Variants in CSMD2 observed in about 807,000 individuals in gnomAD.
The protein encoded by CSMD2 is CUB and sushi domain-containing protein 2.
In CSMD2, 130 loss-of-function variants were observed where a neutral mutation model predicts 398.5. The ratio of observed to expected loss-of-function variants is 0.33; its 90% CI spans 0.28 to 0.38. The LOEUF is 0.38. Among genes scored for constraint, CSMD2 ranks in the 10% least tolerant of loss-of-function variants. The pLI is 1.00. For missense variants in CSMD2, 3,829 were observed against 4,764.9 expected (o/e 0.80, Z 5.78); for synonymous variants, 1,828 against 1,908.5 (o/e 0.96, Z 1.10).
intron 21 of CSMD2, among the ~76,000 whole-genome samples, chr1:33,713,113 T>A (rs1290483555): frequency 6.6e-6 from 1 of 152,232 alleles, no homozygotes; most frequent in African/African-American, 2.4e-5. Flanking sequence ...GATGCTGTTA[T>A]CTCTGTTTTA....
chr1:34,032,804 T>A (rs1023704901), intron 2 of CSMD2, 98 bp from the exon 3 acceptor site: 1 of 785,552 alleles, frequency 1.3e-6, no homozygotes, highest in African/African-American at 1.8e-5. Flanking sequence ...ACAGTGCTGA[T>A]CTAGGCACAC....
intron 1 of CSMD2, among the ~76,000 whole-genome samples, chr1:34,095,779 AC>A (rs1299876640): frequency 6.6e-6 from 1 of 150,826 alleles, no homozygotes; most frequent in Non-Finnish European, 1.5e-5. Context: ...TAGCTTACCA[AC>A]CAAAAAGAGT....
rs1371826716 is a variant in CSMD2 at position 33,537,438 on chromosome 1, A to G, written c.9803T>C (p.Ile3268Thr). The G allele has an allele frequency of 1.9e-6, 3 of 1,611,602 alleles. No individual in the cohort carries two copies. Among genetic ancestry groups the G allele is most frequent in the South Asian group, 1.1e-5 (1 of 90,692 alleles). The stretch of plus-strand genomic sequence containing the variant: ...CCCTGCTCCAGATGACCTCTCACCT[A>G]TGCAGCTGGGCTGGGTGCCACTCCA... Reference protein sequence around the residue: ...GTWSGTQPSCIDPTLTTCADP... With the variant: ...GTWSGTQPSCTDPTLTTCADP... Residue 3268 changes from isoleucine to threonine, a missense_variant and splice_region_variant, in exon 61 of 71, where the codon ATA becomes ACA. By Grantham distance (89) the Ile-to-Thr change is moderately conservative. Coordinates refer to ENST00000373381, the MANE Select transcript of CSMD2 (RefSeq NM_001281956.2). This position sits in a 1 kb window ranked among gnomAD's most constrained non-coding sequence, Gnocchi z 4.6.
At chr1:34,141,050 C>T (rs1418624141) in intron 1 of CSMD2, among the ~76,000 whole-genome samples, 1 of 152,088 alleles carries the variant, frequency 6.6e-6, no homozygotes, top group Non-Finnish European at 1.5e-5. Flanking sequence ...TTTGGAGGCT[C>T]TTCCTGGGAT....
intron 25 of CSMD2, among the ~76,000 whole-genome samples, chr1:33,672,096 G>A (rs1234096082): frequency 6.6e-6 from 1 of 152,114 alleles, no homozygotes; most frequent in African/African-American, 2.4e-5. Flanking sequence ...TCCAACTGAG[G>A]TACCGGGTTC....
chr1:34,094,546 A>G (rs1315364663), intron 1 of CSMD2, among the ~76,000 whole-genome samples: 1 of 152,084 alleles, frequency 6.6e-6, no homozygotes, highest in Non-Finnish European at 1.5e-5. Flanking sequence ...TAGGCTCAAA[A>G]TAAAAGGATG....
intron 5 of CSMD2, among the ~76,000 whole-genome samples, chr1:33,867,771 C>A (rs547939476): frequency 6.6e-6 from 1 of 152,130 alleles, no homozygotes; most frequent in Admixed American, 6.5e-5. Flanking sequence ...AGTAGTAGTT[C>A]CAGTTGGGTT....
chr1:33,583,692 A>G lies in CSMD2; in HGVS notation c.7190T>C (p.Val2397Ala). 1 of 1,614,174 alleles carries G rather than the reference A, an allele frequency of 6.2e-7. No homozygotes were observed. Among genetic ancestry groups the G allele is most frequent in the South Asian group, 1.1e-5 (1 of 91,082 alleles). Residue 2397 changes from valine to alanine, a missense_variant, in exon 47 of 71, where the codon GTG becomes GCG. This residue lies in a region of CSMD2 where 723 missense variants were observed against 758.6 expected (regional missense o/e 0.95). Transcript: ENST00000373381. The part of the protein sequence containing the change: ...VEPDYNISLT[V>A]EYFLSEKQYD... ...TTGCTTCTCGCTGAGGAAGTACTCC[A>G]CTGTGAGGGAGATGTTATAGTCGGG...
chr1:34,103,445 C>T lies in CSMD2; in HGVS notation c.188-14252G>A, dbSNP rs543332087. Among the ~76,000 whole-genome samples the T allele has an allele frequency of 2.6e-5, 4 of 152,036 alleles. No individual in the cohort carries two copies. The South Asian group carries it at 6.3e-4, about 24-fold the overall frequency. On this transcript the variant is annotated intron_variant, in intron 1 of 70. Transcript: ENST00000373381. ...TCCTGAGTAGCTGGGACTACCGGCA[C>T]CCGCCACCACGCCCAGCTAATTTTT... is the stretch of plus-strand genomic sequence containing the variant.
intron 1 of CSMD2, among the ~76,000 whole-genome samples, chr1:34,095,485 A>G (rs1245031806): frequency 2.6e-5 from 4 of 151,208 alleles, no homozygotes; most frequent in African/African-American, 9.7e-5. Flanking sequence ...GTTTTTTGAA[A>G]GGATCAACAA....
intron 53 of CSMD2, among the ~76,000 whole-genome samples, chr1:33,564,496 A>G (rs555742262): frequency 2.0e-5 from 3 of 152,334 alleles, no homozygotes; most frequent in African/African-American, 7.2e-5. Flanking sequence ...GGGCATCTGC[A>G]TGTTCTTCTG....
At chr1:33,747,662 TTA>T (rs2149264886) in intron 13 of CSMD2, among the ~76,000 whole-genome samples, 1 of 152,278 alleles carries the variant, frequency 6.6e-6, no homozygotes, top group African/African-American at 2.4e-5. Flanking sequence ...TGTATACAGG[TTA>T]ATCTCCCAGT....
intron 25 of CSMD2, among the ~76,000 whole-genome samples, chr1:33,665,448 T>A (rs12042093): frequency 0.035 from 5,241 of 150,102 alleles, 183 homozygotes; most frequent in East Asian, 0.2. Flanking sequence ...TTGTATAGTT[T>A]CTTTCTTCTC....
intron 6 of CSMD2, among the ~76,000 whole-genome samples, chr1:33,835,851 CT>C (rs1358549877): frequency 2.6e-4 from 39 of 152,098 alleles, no homozygotes; most frequent in Admixed American, 2.0e-4. Flanking sequence ...CTGAAGCCTT[CT>C]TCTCTTAACT....
At chr1:33,524,557 T>C (rs1178092101) in intron 66 of CSMD2, among the ~76,000 whole-genome samples, 1 of 152,136 alleles carries the variant, frequency 6.6e-6, no homozygotes, top group Non-Finnish European at 1.5e-5. Flanking sequence ...TGAAAAATAT[T>C]TTTTCTTTTG....
At chr1:33,805,135 G>T (rs1656076196) in intron 10 of CSMD2, among the ~76,000 whole-genome samples, 1 of 152,228 alleles carries the variant, frequency 6.6e-6, no homozygotes, top group Non-Finnish European at 1.5e-5. Context: ...TTCTGGGGGT[G>T]AATCTAATTG....
At chr1:33,622,640 C>T (rs1222877322) in intron 36 of CSMD2, among the ~76,000 whole-genome samples, 1 of 152,202 alleles carries the variant, frequency 6.6e-6, no homozygotes, top group East Asian at 1.9e-4. Flanking sequence ...TCCTCTTTAT[C>T]TCTTGGCCAC....
At chr1:33,755,904 C>A (rs1648945028) in intron 13 of CSMD2, among the ~76,000 whole-genome samples, 1 of 152,008 alleles carries the variant, frequency 6.6e-6, no homozygotes, top group Non-Finnish European at 1.5e-5. Context: ...CTGGCTTGTA[C>A]ACAAGTTTTT....
At chr1:33,573,351 G>A (rs1392437938) in intron 49 of CSMD2, among the ~76,000 whole-genome samples, 1 of 152,104 alleles carries the variant, frequency 6.6e-6, no homozygotes, top group Non-Finnish European at 1.5e-5. Flanking sequence ...GTGCGAACAA[G>A]ACAAACCAAG....
Sources: allele counts gnomAD v4.1 joint callset (sites outside exome capture counted in the v4.1 genomes callset), GRCh38; gene constraint gnomAD v4.1.1; regional missense constraint gnomAD v4.1.1; non-coding constraint Gnocchi (gnomAD v3.1); transcripts MANE v1.5; gene names NCBI Gene and HGNC (gene_info 2026-07-23, HGNC 2026-07-21).